The following ST6GALNAC5 variants were observed in gnomAD, a reference collection of about 807,000 sequenced individuals.
The protein encoded by ST6GALNAC5 is alpha-N-acetylgalactosaminide alpha-2,6-sialyltransferase 5.
ST6GALNAC5 carries 27 observed loss-of-function variants against 33.6 expected under a neutral mutation model. The ratio of observed to expected loss-of-function variants is 0.80; its 90% CI spans 0.59 to 1.11. The LOEUF (loss-of-function observed/expected upper bound fraction) is 1.11. Ranked by LOEUF, ST6GALNAC5 falls within the 50% of genes least tolerant of loss-of-function variation. ST6GALNAC5 has a pLI of 0.00. For missense variants in ST6GALNAC5, 428 were observed against 454.0 expected (o/e 0.94, Z 0.52); for synonymous variants, 194 against 171.2 (o/e 1.13, Z -1.04).
chr1:76,936,445 T>C (rs1196334895), intron 2 of ST6GALNAC5, among the ~76,000 whole-genome samples: 1 of 152,018 alleles, frequency 6.6e-6, no homozygotes, highest in Non-Finnish European at 1.5e-5. Context: ...TGTAGCTTAT[T>C]TTGTTGTTCA....
intron 2 of ST6GALNAC5, among the ~76,000 whole-genome samples, chr1:76,974,906 C>T (rs1439715397): frequency 3.4e-5 from 5 of 148,234 alleles, no homozygotes; most frequent in Non-Finnish European, 7.4e-5. Flanking sequence ...CTGCCTTAGC[C>T]TCCTGAGTAG....
chr1:76,909,859 T>C (rs973761787), intron 2 of ST6GALNAC5, among the ~76,000 whole-genome samples: 45 of 152,120 alleles, frequency 3.0e-4, no homozygotes, highest in African/African-American at 1.1e-3. Context: ...GGACCTACTC[T>C]TTCCTAATTA....
intron 2 of ST6GALNAC5, among the ~76,000 whole-genome samples, chr1:77,015,224 T>C (rs909325465): frequency 1.3e-5 from 2 of 152,162 alleles, no homozygotes; most frequent in Admixed American, 6.5e-5. Flanking sequence ...GAGCTGATGA[T>C]ATAAATCCCA....
chr1:76,890,881 A>T (rs1653999276), intron 2 of ST6GALNAC5, among the ~76,000 whole-genome samples: 1 of 152,200 alleles, frequency 6.6e-6, no homozygotes, highest in Admixed American at 6.5e-5. Context: ...ATTTGAGCAT[A>T]AGATATTCTC....
chr1:76,930,028 A>G lies in ST6GALNAC5; in HGVS notation c.261+61286A>G, dbSNP rs527238567. Among the ~76,000 whole-genome samples, 27 of 152,292 alleles carry G rather than the reference A, an allele frequency of 1.8e-4. No homozygotes were observed. In the South Asian group the frequency reaches 5.0e-3, roughly 28 times the overall value. ...GATTACAAGATAAAATTTGAAAAAT[A>G]GATGTAGCTTGTGTTTGTGGCTTGC... is the stretch of plus-strand genomic sequence containing the variant. On this transcript the variant is annotated intron_variant, in intron 2 of 4. Coordinates refer to ENST00000477717, the MANE Select transcript of ST6GALNAC5 (RefSeq NM_030965.3).
chr1:77,018,585 A>G (rs1173373502), intron 2 of ST6GALNAC5, among the ~76,000 whole-genome samples: 3 of 152,218 alleles, frequency 2.0e-5, no homozygotes, highest in African/African-American at 7.2e-5. Context: ...AGAGGCTGAA[A>G]CATGTGCTAC....
At chr1:76,888,230 T>C (rs1228701263) in intron 2 of ST6GALNAC5, among the ~76,000 whole-genome samples, 1 of 152,142 alleles carries the variant, frequency 6.6e-6, no homozygotes, top group African/African-American at 2.4e-5. Flanking sequence ...ATGGTACATA[T>C]GCATCACCCG....
chr1:76,876,943 C>T (rs1180807619), intron 2 of ST6GALNAC5, among the ~76,000 whole-genome samples: 1 of 152,178 alleles, frequency 6.6e-6, no homozygotes, highest in Non-Finnish European at 1.5e-5. Context: ...GCATTTGAGC[C>T]ACTTCCTCAT....
chr1:77,010,810 T>A (rs1234709440), intron 2 of ST6GALNAC5, among the ~76,000 whole-genome samples: 1 of 152,214 alleles, frequency 6.6e-6, no homozygotes, highest in African/African-American at 2.4e-5. Flanking sequence ...GAAATGGAAT[T>A]TCTTAGACTA....
intron 2 of ST6GALNAC5, among the ~76,000 whole-genome samples, chr1:76,933,753 T>C (rs1647167735): frequency 7.2e-6 from 1 of 138,106 alleles, no homozygotes; most frequent in South Asian, 2.3e-4. Context: ...CAGTCAATTC[T>C]TTTCTCTGCC....
At chr1:77,049,878 C>G (rs1479312714) in intron 3 of ST6GALNAC5, among the ~76,000 whole-genome samples, 1 of 152,118 alleles carries the variant, frequency 6.6e-6, no homozygotes, top group Non-Finnish European at 1.5e-5. Context: ...GTTTGGGGAA[C>G]AAGGAGAATT....
chr1:77,022,024 C>T (rs1195793866), intron 2 of ST6GALNAC5, among the ~76,000 whole-genome samples: 2 of 152,132 alleles, frequency 1.3e-5, no homozygotes, highest in Admixed American at 1.3e-4. Context: ...TTTTTTCCCC[C>T]AGCCAACAAA....
chr1:76,948,318 G>T (rs1647602825), intron 2 of ST6GALNAC5, among the ~76,000 whole-genome samples: 1 of 152,146 alleles, frequency 6.6e-6, no homozygotes, highest in Admixed American at 6.5e-5. Context: ...TGTCTCTGCT[G>T]CGGGAGACCT....
At chr1:76,940,168 C>T (rs765434654) in intron 2 of ST6GALNAC5, among the ~76,000 whole-genome samples, 23 of 151,986 alleles carry the variant, frequency 1.5e-4, no homozygotes, top group Non-Finnish European at 2.2e-4. Context: ...TTACTGGACA[C>T]GACTCTAAGT....
At chr1:76,927,966 G>A (rs1019123282) in intron 2 of ST6GALNAC5, among the ~76,000 whole-genome samples, 13 of 152,020 alleles carry the variant, frequency 8.6e-5, no homozygotes, top group Non-Finnish European at 1.8e-4. Flanking sequence ...CATGTTGTAG[G>A]GCCTAATTTC....
chr1:76,918,792 TAC>T (rs1446140317), intron 2 of ST6GALNAC5, among the ~76,000 whole-genome samples: 1 of 151,958 alleles, frequency 6.6e-6, no homozygotes, highest in Non-Finnish European at 1.5e-5. Context: ...CTGCGTCTGT[TAC>T]ACACACACAG....
At chr1:76,876,613 T>C (rs982902939) in intron 2 of ST6GALNAC5, among the ~76,000 whole-genome samples, 6 of 152,174 alleles carry the variant, frequency 3.9e-5, no homozygotes, top group African/African-American at 1.4e-4. Context: ...AGCCAAACCA[T>C]TGGCTACAGC....
chr1:76,908,791 A>G (rs574550711), intron 2 of ST6GALNAC5, among the ~76,000 whole-genome samples: 3 of 152,272 alleles, frequency 2.0e-5, no homozygotes, highest in African/African-American at 7.2e-5. Flanking sequence ...AGCCTGCCGC[A>G]TTACCTGGCC....
At chr1:77,062,681 G>A (rs1326129110) in intron 4 of ST6GALNAC5, among the ~76,000 whole-genome samples, 1 of 152,116 alleles carries the variant, frequency 6.6e-6, no homozygotes, top group Non-Finnish European at 1.5e-5. Flanking sequence ...TAAGAAGAGT[G>A]AAAACAATAC....
Sources: gnomAD v4.1 joint callset for allele counts (sites outside exome capture counted in the v4.1 genomes callset) on GRCh38, gnomAD v4.1.1 for gene constraint, MANE v1.5 for transcripts, NCBI Gene and HGNC (gene_info 2026-07-23, HGNC 2026-07-21) for gene names.